SLC5A11: variants seen among roughly 807,000 people sequenced by gnomAD.
SLC5A11 encodes the protein solute carrier family 5 member 11.
Under a neutral mutation model 69.8 loss-of-function variants are expected in SLC5A11, and 48 were observed. The observed-to-expected ratio is 0.69, with a 90% confidence interval of 0.55 to 0.87. The LOEUF (loss-of-function observed/expected upper bound fraction) is 0.87, where lower values mean the gene tolerates loss of function less well. Among genes scored for constraint, SLC5A11 ranks in the 40% least tolerant of loss-of-function variants. The pLI is 0.00. For synonymous variants in SLC5A11, 319 were observed against 342.4 expected, an observed-to-expected ratio of 0.93 and a Z score of 0.75; for missense variants, 784 against 866.1, an observed-to-expected ratio of 0.91 and a Z score of 1.19.
intron 7 of SLC5A11, among the ~76,000 whole-genome samples, chr16:24,879,145 T>G (rs984884240): frequency 5.4e-5 from 8 of 148,300 alleles, no homozygotes; most frequent in East Asian, 2.0e-4. Context: ...TGGTTTTTTG[T>G]TTTTTTTTTA....
At position 24,906,726 on chromosome 16, in the gene SLC5A11, TCGCGTATCCCAAACTCG is replaced by T; in HGVS notation, c.1077_1093del (p.Tyr361GlyfsTer28). Reference sequence around the variant, plus strand: ...AGCAACCCCTCAGGCTGTTCGGACATCGCGTATCCCAAACTCGTGCTGGAACTCCTGCCCACAGGTAA... The same window carrying T: ...AGCAACCCCTCAGGCTGTTCGGACATTGCTGGAACTCCTGCCCACAGGTAA... On this transcript the variant is annotated frameshift_variant, in exon 11 of 16. Coordinates refer to ENST00000347898, the Ensembl canonical transcript of SLC5A11. LOFTEE classifies it high-confidence loss of function. 1 of 1,613,690 alleles carries T rather than the reference TCGCGTATCCCAAACTCG, an allele frequency of 6.2e-7. No homozygotes were observed. Among genetic ancestry groups the T allele is most frequent in the Non-Finnish European group, 8.5e-7 (1 of 1,179,796 alleles).
chr16:24,850,198 C>G (rs2059240430), intron 1 of SLC5A11, among the ~76,000 whole-genome samples: 1 of 152,202 alleles, frequency 6.6e-6, no homozygotes, highest in South Asian at 2.1e-4. Context: ...GATCTTCATG[C>G]CTTGACCCCC....
At chr16:24,906,296 G>A (rs571815898) in intron 10 of SLC5A11, among the ~76,000 whole-genome samples, 21 of 150,372 alleles carry the variant, frequency 1.4e-4, no homozygotes, top group South Asian at 2.1e-4. Flanking sequence ...AGCTGAGATC[G>A]TGCCACTGCC....
exon 15 of SLC5A11, chr16:24,910,333 C>T: frequency 6.2e-7 from 1 of 1,614,088 alleles, no homozygotes; most frequent in South Asian, 1.1e-5. Flanking sequence ...GTTTACTCGT[C>T]ACGACCCCGT....
chr16:24,908,937 G>A (rs1451002509), exon 14 of SLC5A11: 1 of 1,613,972 alleles, frequency 6.2e-7, no homozygotes, highest in African/African-American at 1.3e-5. Context: ...GGCTGGTCCT[G>A]GACTTTATTT....
chr16:24,901,927 A>ACAC (rs1567684494), intron 10 of SLC5A11, among the ~76,000 whole-genome samples: 2 of 126,812 alleles, frequency 1.6e-5, no homozygotes, highest in African/African-American at 6.5e-5. Flanking sequence ...TCTGGAAAAA[A>ACAC]AAATACACAC....
intron 15 of SLC5A11, among the ~76,000 whole-genome samples, chr16:24,911,018 A>T (rs578126464): frequency 5.2e-4 from 79 of 151,938 alleles, no homozygotes; most frequent in African/African-American, 1.8e-3. Flanking sequence ...AAAATATAAA[A>T]ATTAGCCGGG....
chr16:24,867,472 G>A (rs1400240960), intron 3 of SLC5A11, among the ~76,000 whole-genome samples: 1 of 151,890 alleles, frequency 6.6e-6, no homozygotes, highest in Non-Finnish European at 1.5e-5. Flanking sequence ...AAAAAGAAGG[G>A]CAAATTAAAC....
At chr16:24,907,031 G>A (rs150379174) in exon 12 of SLC5A11, 10 of 1,613,776 alleles carry the variant, frequency 6.2e-6, no homozygotes, top group Middle Eastern at 1.6e-4. Flanking sequence ...CCAGGGCTCC[G>A]TGGGCTGATG....
intron 6 of SLC5A11, 49 bp downstream of exon 7, chr16:24,875,780 A>C: frequency 6.9e-7 from 1 of 1,440,982 alleles, no homozygotes; most frequent in Non-Finnish European, 9.7e-7. Flanking sequence ...TGGGGAGAAG[A>C]TAAGGCACAG....
chr16:24,860,424 C>T lies in SLC5A11; in HGVS notation c.135+1646C>T, dbSNP rs118070851. On this transcript the variant is annotated intron_variant, in intron 2 of 15. Transcript: ENST00000347898. ...TGAGCTGAGATTGTGCCATTGCGCT[C>T]CAGCTTGAGCAACAAGAGTGAAAAT... Among the ~76,000 whole-genome samples, 65 of 152,150 alleles carry T rather than the reference C, an allele frequency of 4.3e-4. No individual in the cohort carries two copies. The East Asian group carries it at 0.011, about 27-fold the overall frequency.
intron 7 of SLC5A11, 84 bp from the exon 9 acceptor site, chr16:24,883,967 T>C: frequency 7.7e-7 from 1 of 1,293,068 alleles, no homozygotes; most frequent in Non-Finnish European, 1.1e-6. Context: ...CATCGGGTCC[T>C]GGCCTTCCAG....
chr16:24,853,620 G>A (rs1183245070), intron 1 of SLC5A11, among the ~76,000 whole-genome samples: 1 of 152,128 alleles, frequency 6.6e-6, no homozygotes, highest in Non-Finnish European at 1.5e-5. Context: ...AGAAAGACCA[G>A]CCAGGAATGG....
chr16:24,883,021 C>G (rs2048146360), intron 7 of SLC5A11, among the ~76,000 whole-genome samples: 1 of 152,196 alleles, frequency 6.6e-6, no homozygotes, highest in African/African-American at 2.4e-5. Context: ...TCCAGGAAGT[C>G]TAGGGGGCCT....
chr16:24,852,132 GC>G (rs991366722), intron 1 of SLC5A11, among the ~76,000 whole-genome samples: 4 of 152,060 alleles, frequency 2.6e-5, no homozygotes, highest in Admixed American at 1.3e-4. Context: ...TATAAATTGT[GC>G]TCTGTTTATT....
intron 1 of SLC5A11, among the ~76,000 whole-genome samples, chr16:24,850,085 A>ACAG (rs1555516157): frequency 6.6e-6 from 1 of 151,874 alleles, no homozygotes; most frequent in Non-Finnish European, 1.5e-5. Context: ...CCACAGACAC[A>ACAG]CAGCACCATG....
intron 1 of SLC5A11, among the ~76,000 whole-genome samples, chr16:24,853,979 G>A (rs866538549): frequency 1.3e-5 from 2 of 152,256 alleles, no homozygotes; most frequent in East Asian, 1.9e-4. Context: ...CACGTCCCTC[G>A]CGGCCCCTGG....
chr16:24,906,924 C>G, intron 11 of SLC5A11, 101 bp from the exon 13 acceptor site: 1 of 1,507,204 alleles, frequency 6.6e-7, no homozygotes, highest in Non-Finnish European at 9.0e-7. Context: ...AGCTCTGCCC[C>G]GCCGTCCTCC....
At chr16:24,898,966 A>ACTAC (rs2049385486) in intron 10 of SLC5A11, among the ~76,000 whole-genome samples, 1 of 152,028 alleles carries the variant, frequency 6.6e-6, no homozygotes, top group Admixed American at 6.6e-5. Flanking sequence ...ACAGGCATGC[A>ACTAC]CTACCACACC....
Sources: gnomAD v4.1 joint callset for allele counts (sites outside exome capture counted in the v4.1 genomes callset) on GRCh38, gnomAD v4.1.1 for gene constraint, MANE v1.5 for transcripts, NCBI Gene and HGNC (gene_info 2026-07-23, HGNC 2026-07-21) for gene names.